The following CTNNA3 variants were observed in gnomAD, a reference collection of about 807,000 sequenced individuals.
The protein encoded by CTNNA3 is catenin alpha 3, also known as catenin alpha-3.
In CTNNA3, 76 loss-of-function variants were observed where a neutral mutation model predicts 95.7. The observed-to-expected ratio is 0.79, with a 90% confidence interval of 0.66 to 0.96. CTNNA3 has a LOEUF of 0.96. CTNNA3 is among the 40% of genes least tolerant of loss of function. The pLI is 0.00. For synonymous variants in CTNNA3, 431 were observed against 374.4 expected, an observed-to-expected ratio of 1.15 and a Z score of -1.74; for missense variants, 1,191 against 1,089.8, an observed-to-expected ratio of 1.09 and a Z score of -1.31.
chr10:66,839,962 G>A (rs1367263909), intron 7 of CTNNA3, among the ~76,000 whole-genome samples: 1 of 152,040 alleles, frequency 6.6e-6, no homozygotes, highest in Non-Finnish European at 1.5e-5. Flanking sequence ...TCTGATTTGG[G>A]GTGGTAGGTC....
At chr10:66,970,758 A>AT (rs1849674460) in intron 7 of CTNNA3, among the ~76,000 whole-genome samples, 1 of 152,142 alleles carries the variant, frequency 6.6e-6, no homozygotes, top group Non-Finnish European at 1.5e-5. Flanking sequence ...ATTTCAAAAG[A>AT]TAACAAATGA....
intron 12 of CTNNA3, among the ~76,000 whole-genome samples, chr10:66,335,753 A>C (rs2092387471): frequency 6.6e-6 from 1 of 152,000 alleles, no homozygotes; most frequent in Non-Finnish European, 1.5e-5. Flanking sequence ...ACTCTCTTTA[A>C]ACCTGTCAGA....
intron 13 of CTNNA3, among the ~76,000 whole-genome samples, chr10:66,230,128 A>T (rs1211856513): frequency 1.3e-5 from 2 of 152,130 alleles, no homozygotes; most frequent in African/African-American, 4.8e-5. Flanking sequence ...TCAGATCATA[A>T]GCTATTATTT....
At chr10:67,228,929 C>A (rs886092412) in intron 5 of CTNNA3, among the ~76,000 whole-genome samples, 4 of 152,074 alleles carry the variant, frequency 2.6e-5, no homozygotes, top group Admixed American at 2.6e-4. Context: ...CACTATTCCA[C>A]AAGATAGAGA....
intron 5 of CTNNA3, among the ~76,000 whole-genome samples, chr10:67,503,919 A>G (rs932513776): frequency 4.6e-5 from 7 of 152,172 alleles, no homozygotes; most frequent in African/African-American, 1.7e-4. Context: ...GCACTTTGGG[A>G]GGCCAAGGCG....
intron 10 of CTNNA3, among the ~76,000 whole-genome samples, chr10:66,605,477 A>G (rs1291548980): frequency 6.6e-6 from 1 of 152,128 alleles, no homozygotes; most frequent in Non-Finnish European, 1.5e-5. Context: ...AAGATACTTC[A>G]CAAGAAGATC....
chr10:66,768,683 T>G (rs1391958499), intron 8 of CTNNA3, among the ~76,000 whole-genome samples: 1 of 152,086 alleles, frequency 6.6e-6, no homozygotes, highest in Non-Finnish European at 1.5e-5. Context: ...TTGAAGGAAA[T>G]GTTAAGATGG....
At chr10:67,141,145 T>A (rs1860541506) in intron 7 of CTNNA3, among the ~76,000 whole-genome samples, 1 of 152,180 alleles carries the variant, frequency 6.6e-6, no homozygotes, top group Non-Finnish European at 1.5e-5. Flanking sequence ...GAAAAAGGAA[T>A]CTAAACTACT....
intron 11 of CTNNA3, among the ~76,000 whole-genome samples, chr10:66,519,154 C>T (rs1245722030): frequency 6.6e-6 from 1 of 152,026 alleles, no homozygotes; most frequent in African/African-American, 2.4e-5. Flanking sequence ...CAGAGGATTA[C>T]TTTTTGAGAG....
chr10:67,020,422 G>T (rs554886988), intron 7 of CTNNA3, among the ~76,000 whole-genome samples: 1 of 152,090 alleles, frequency 6.6e-6, no homozygotes, highest in African/African-American at 2.4e-5. Context: ...TGGCAGCAGG[G>T]ATATTGTAAC....
intron 5 of CTNNA3, among the ~76,000 whole-genome samples, chr10:67,461,790 C>CG (rs1847390136): frequency 6.6e-6 from 1 of 152,164 alleles, no homozygotes; most frequent in Non-Finnish European, 1.5e-5. Flanking sequence ...GTCTTAAAAA[C>CG]ATCATGTATG....
At chr10:66,082,172 T>C (rs2080791949) in intron 14 of CTNNA3, among the ~76,000 whole-genome samples, 1 of 148,918 alleles carries the variant, frequency 6.7e-6, no homozygotes, top group African/African-American at 2.5e-5. Context: ...AGATATTAAC[T>C]ACAAAGAAAA....
intron 7 of CTNNA3, among the ~76,000 whole-genome samples, chr10:67,050,757 G>T (rs1197786193): frequency 6.6e-6 from 1 of 152,162 alleles, no homozygotes; most frequent in Non-Finnish European, 1.5e-5. Context: ...TATTTACTTC[G>T]ATTTGTAGCT....
intron 11 of CTNNA3, among the ~76,000 whole-genome samples, chr10:66,439,745 T>C (rs995017029): frequency 6.6e-6 from 1 of 152,156 alleles, no homozygotes; most frequent in South Asian, 2.1e-4. Flanking sequence ...GATTCATTTT[T>C]ACCTCAACAA....
At chr10:66,736,540 C>T (rs1849150115) in intron 9 of CTNNA3, among the ~76,000 whole-genome samples, 1 of 151,806 alleles carries the variant, frequency 6.6e-6, no homozygotes, top group South Asian at 2.1e-4. Context: ...AAATTGAACC[C>T]CTTCTTTATG....
At chr10:66,621,115 C>A (rs1191441608) in intron 10 of CTNNA3, among the ~76,000 whole-genome samples, 2 of 152,020 alleles carry the variant, frequency 1.3e-5, no homozygotes, top group Non-Finnish European at 2.9e-5. Context: ...TAACTTTTTT[C>A]AAACCGATAC....
chr10:66,425,084 T>C (rs1247840806), intron 11 of CTNNA3, among the ~76,000 whole-genome samples: 1 of 144,840 alleles, frequency 6.9e-6, no homozygotes, highest in Non-Finnish European at 1.5e-5. Context: ...GTGTGGATTG[T>C]TCTTTTTATG....
intron 7 of CTNNA3, among the ~76,000 whole-genome samples, chr10:66,892,671 G>C (rs1309480560): frequency 6.6e-6 from 1 of 152,072 alleles, no homozygotes; most frequent in African/African-American, 2.4e-5. Flanking sequence ...ATGCTAATTA[G>C]CTAGCCATGA....
chr10:66,255,389 A>G (rs2090727625), intron 13 of CTNNA3, among the ~76,000 whole-genome samples: 1 of 152,188 alleles, frequency 6.6e-6, no homozygotes, highest in Admixed American at 6.5e-5. Context: ...TTGCATTCTT[A>G]TAAAGTGGTC....
Sources: gnomAD v4.1 joint callset for allele counts (sites outside exome capture counted in the v4.1 genomes callset) on GRCh38, gnomAD v4.1.1 for gene constraint, MANE v1.5 for transcripts, NCBI Gene and HGNC (gene_info 2026-07-23, HGNC 2026-07-21) for gene names.